Variants in DACH2 observed in about 807,000 individuals in gnomAD.
DACH2 encodes dachshund homolog 2.
Under a neutral mutation model 35.8 loss-of-function variants are expected in DACH2, and 17 were observed. The ratio of observed to expected loss-of-function variants is 0.48; its 90% CI spans 0.33 to 0.71. The LOEUF (loss-of-function observed/expected upper bound fraction) is 0.71. DACH2 is among the 30% of genes least tolerant of loss of function. The pLI, the probability that DACH2 is intolerant of heterozygous loss-of-function variation, is 0.02. For synonymous variants in DACH2, 195 were observed against 177.3 expected (o/e 1.10, Z -0.79); for missense variants, 469 against 472.7 (o/e 0.99, Z 0.07).
intron 2 of DACH2, among the ~76,000 whole-genome samples, chrX:86,378,736 A>G (rs2036003755): frequency 9.0e-6 from 1 of 110,778 alleles, no homozygotes; most frequent in Non-Finnish European, 1.9e-5. Flanking sequence ...TCCTCAAGAT[A>G]TTGCAATTGC....
intron 2 of DACH2, among the ~76,000 whole-genome samples, chrX:86,467,429 G>T (rs1293595007): frequency 1.8e-5 from 2 of 111,483 alleles, no homozygotes; most frequent in Non-Finnish European, 1.9e-5. Context: ...TCAGCTTTTT[G>T]GTCAAAGCCA....
chrX:86,608,360 G>A (rs904195487), intron 3 of DACH2, among the ~76,000 whole-genome samples: 5 of 111,703 alleles, frequency 4.5e-5, no homozygotes, highest in Admixed American at 1.9e-4. Context: ...TCAGTGTGGC[G>A]ATTCCTCAGG....
chrX:86,397,691 A>T (rs187498163), intron 2 of DACH2, among the ~76,000 whole-genome samples: 1 of 111,917 alleles, frequency 8.9e-6, no homozygotes, highest in Non-Finnish European at 1.9e-5. Flanking sequence ...GCTGGATTAC[A>T]TTTATTGATT....
intron 3 of DACH2, among the ~76,000 whole-genome samples, chrX:86,594,392 A>T (rs2039686439): frequency 9.0e-6 from 1 of 111,078 alleles, no homozygotes; most frequent in South Asian, 3.7e-4. Flanking sequence ...TTTTAATATG[A>T]TCTTCTTCTT....
intron 3 of DACH2, among the ~76,000 whole-genome samples, chrX:86,571,700 C>T (rs973083539): frequency 3.0e-5 from 2 of 66,842 alleles, no homozygotes; most frequent in African/African-American, 1.8e-4. Context: ...AATCGGGTAA[C>T]GCAAGATTTT....
chrX:86,380,840 T>C (rs1358014302), intron 2 of DACH2, among the ~76,000 whole-genome samples: 1 of 110,607 alleles, frequency 9.0e-6, no homozygotes, highest in African/African-American at 3.3e-5. Context: ...TGTTTTAAGA[T>C]GTATCAAACT....
At chrX:86,697,331 A>G (rs962745159) in intron 5 of DACH2, among the ~76,000 whole-genome samples, 1 of 111,522 alleles carries the variant, frequency 9.0e-6, no homozygotes, top group African/African-American at 3.3e-5. Flanking sequence ...AAACAAGACT[A>G]GAGGAAAATG....
rs919437744 is a variant in DACH2 at position 86,154,305 on chromosome X, A to C, written c.488+5197A>C. On this transcript the variant is annotated intron_variant, in intron 1 of 11. Transcript: ENST00000373125. ...TTAAATATGTATTAAAACCATCCTA[A>C]TTGATCCAAAACTGAAAATATTATG... is the stretch of plus-strand genomic sequence containing the variant. 3.6e-5 allele frequency among the ~76,000 whole-genome samples: 4 copies of C among 111,545 alleles called. No homozygotes were observed. In the Admixed American group the frequency reaches 3.8e-4, roughly 11 times the overall value.
chrX:86,236,000 G>T (rs999617257), intron 1 of DACH2, among the ~76,000 whole-genome samples: 5 of 111,354 alleles, frequency 4.5e-5, no homozygotes, highest in African/African-American at 1.6e-4. Context: ...GGGCATGGTG[G>T]TGGGTGCCTG....
At chrX:86,546,496 CTTCTTTCTTTTT>C (rs1463419529) in intron 3 of DACH2, among the ~76,000 whole-genome samples, 2 of 67,033 alleles carry the variant, frequency 3.0e-5, no homozygotes, top group African/African-American at 1.7e-4. Context: ...TCTTCTTCTT[CTTCTTTCTTTTT>C]TTTTTTTTTT....
chrX:86,422,459 T>G (rs185131615), intron 2 of DACH2, among the ~76,000 whole-genome samples: 1 of 110,975 alleles, frequency 9.0e-6, no homozygotes, highest in East Asian at 2.8e-4. Context: ...TACCCTATAA[T>G]TGGCTGTCTC....
chrX:86,626,516 G>A (rs144023117), intron 3 of DACH2, among the ~76,000 whole-genome samples: 10,364 of 112,499 alleles, frequency 0.092, 485 homozygotes, highest in African/African-American at 0.17. Context: ...GGGACTCTGT[G>A]TGGGGGATCC....
At chrX:86,386,717 C>T (rs746972753) in intron 2 of DACH2, among the ~76,000 whole-genome samples, 6 of 111,433 alleles carry the variant, frequency 5.4e-5, no homozygotes, top group Non-Finnish European at 7.5e-5. Context: ...GACATGCCCC[C>T]AACATTGTGG....
intron 3 of DACH2, among the ~76,000 whole-genome samples, chrX:86,555,301 G>A (rs1172005439): frequency 9.0e-6 from 1 of 111,717 alleles, no homozygotes; most frequent in African/African-American, 3.2e-5. Context: ...TTTGTAGAAA[G>A]TTGTCTTTTC....
intron 4 of DACH2, among the ~76,000 whole-genome samples, chrX:86,656,673 A>AAGAT (rs748362951): frequency 2.8e-5 from 3 of 107,809 alleles, no homozygotes; most frequent in Non-Finnish European, 5.8e-5. Flanking sequence ...ATCTGACCTC[A>AAGAT]AGATCTACTC....
At chrX:86,186,739 G>A (rs1054829969) in intron 1 of DACH2, among the ~76,000 whole-genome samples, 2 of 111,487 alleles carry the variant, frequency 1.8e-5, no homozygotes, top group African/African-American at 3.3e-5. Context: ...GAAAAAGAAA[G>A]GAGTAATGAG....
Position 86,630,439 on chromosome X carries a change from C to T in DACH2, c.641-20597C>T, listed in dbSNP as rs960403170. On this transcript the variant is annotated intron_variant, in intron 3 of 11. Transcript: ENST00000373125. Reference sequence around the variant, plus strand: ...ATATACACACATATATATATATGAACGAGAGAGAGCTTGTGGCATATGATA... The same window carrying T: ...ATATACACACATATATATATATGAATGAGAGAGAGCTTGTGGCATATGATA... 7.4e-5 allele frequency among the ~76,000 whole-genome samples: 8 copies of T among 107,772 alleles called. 1 individual carries two copies. The highest frequency in any genetic ancestry group is 5.0e-4 in the Admixed American group (5 of 9,977). 93.6% of individuals were successfully genotyped at this position (107,772 alleles called of 115,157 possible). A position where few individuals can be genotyped will look rare whatever the true frequency, so the allele number is the denominator to read the frequency against.
intron 3 of DACH2, among the ~76,000 whole-genome samples, chrX:86,638,432 T>C (rs774749595): frequency 6.6e-4 from 74 of 111,666 alleles, no homozygotes; most frequent in African/African-American, 2.3e-3. Flanking sequence ...CTGAAAAATT[T>C]GGCACAGAAA....
chrX:86,805,077 T>G (rs2042330817), intron 7 of DACH2, among the ~76,000 whole-genome samples: 1 of 112,342 alleles, frequency 8.9e-6, no homozygotes, highest in South Asian at 3.7e-4. Context: ...TCCAACTCCA[T>G]ATTTCCCTTC....
Sources: allele counts gnomAD v4.1 joint callset (sites outside exome capture counted in the v4.1 genomes callset), GRCh38; gene constraint gnomAD v4.1.1; transcripts MANE v1.5; gene names NCBI Gene and HGNC (gene_info 2026-07-23, HGNC 2026-07-21).